PTPRD: variants seen among roughly 807,000 people sequenced by gnomAD.
PTPRD encodes receptor-type tyrosine-protein phosphatase delta.
In PTPRD, 34 loss-of-function variants were observed where a neutral mutation model predicts 214.5. The observed-to-expected ratio is 0.16, with a 90% confidence interval of 0.12 to 0.21. The LOEUF is 0.21. Ranked by LOEUF, PTPRD falls within the 10% of genes least tolerant of loss-of-function variation. The probability of loss-of-function intolerance (pLI) is 1.00; values close to 1 mark genes in which losing one functional copy is unlikely to be tolerated. For synonymous variants in PTPRD, 1,128 were observed against 845.7 expected, an observed-to-expected ratio of 1.33 and a Z score of -5.79; for missense variants, 2,545 against 2,398.7, an observed-to-expected ratio of 1.06 and a Z score of -1.27.
rs199914356 is a variant in PTPRD at position 10,230,436 on chromosome 9, G to GTGTCTATCTATCTATC, written c.-545+110526_-545+110527insGATAGATAGATAGACA. ...TCTATCTATGTATCTATGTATCTAT[G>GTGTCTATCTATCTATC]TATCTATCTATCTATCTATCTATCT... On this transcript the variant is annotated intron_variant, in intron 3 of 45. Coordinates refer to ENST00000381196, the MANE Select transcript of PTPRD (RefSeq NM_002839.4). Among the ~76,000 whole-genome samples the GTGTCTATCTATCTATC allele has an allele frequency of 2.0e-3, 284 of 140,742 alleles. 1 individual carries two copies. The highest frequency in any genetic ancestry group is 8.6e-3 in the East Asian group (42 of 4,912). 92.3% of individuals were successfully genotyped at this position (140,742 alleles called of 152,430 possible).
At chr9:10,592,744 A>C (rs1008864776) in intron 2 of PTPRD, among the ~76,000 whole-genome samples, 3 of 152,038 alleles carry the variant, frequency 2.0e-5, no homozygotes, top group Non-Finnish European at 4.4e-5. Flanking sequence ...GAAGATTGTA[A>C]AACACACCAA....
chr9:9,668,312 G>A (rs142467549), intron 7 of PTPRD, among the ~76,000 whole-genome samples: 14 of 152,096 alleles, frequency 9.2e-5, no homozygotes, highest in Non-Finnish European at 1.5e-4. Flanking sequence ...GCAAGTCTTC[G>A]CATTTCCTCT....
rs536245750 is a variant in PTPRD at position 10,434,988 on chromosome 9, G to C, written c.-599-93971C>G. 2.0e-5 allele frequency among the ~76,000 whole-genome samples: 3 copies of C among 151,892 alleles called. No homozygotes were observed. The Admixed American group carries it at 2.0e-4, about 10-fold the overall frequency. ...CGCTGGACTAGGAATTGGTAGATGA[G>C]GAGGAAAACTCTCAAGAGAGCAAAT... On this transcript the variant is annotated intron_variant, in intron 2 of 45. Transcript: ENST00000381196.
intron 5 of PTPRD, among the ~76,000 whole-genome samples, chr9:9,936,960 T>A (rs2089704042): frequency 1.3e-5 from 2 of 150,426 alleles, no homozygotes; most frequent in Non-Finnish European, 1.5e-5. Context: ...TCATTCTCAG[T>A]AAACTATCAC....
intron 14 of PTPRD, among the ~76,000 whole-genome samples, chr9:8,548,199 T>G (rs2080840798): frequency 6.6e-6 from 1 of 152,136 alleles, no homozygotes; most frequent in South Asian, 2.1e-4. Flanking sequence ...CGAGGTGGAT[T>G]CAAGGTGAAA....
At chr9:8,976,139 T>A (rs1314384960) in intron 11 of PTPRD, among the ~76,000 whole-genome samples, 1 of 152,078 alleles carries the variant, frequency 6.6e-6, no homozygotes. Flanking sequence ...CTCACTTCAC[T>A]TCCCTTCTTT....
At chr9:10,146,502 G>C (rs893713665) in intron 3 of PTPRD, among the ~76,000 whole-genome samples, 2 of 152,048 alleles carry the variant, frequency 1.3e-5, no homozygotes, top group African/African-American at 4.8e-5. Context: ...TATGACCTCA[G>C]GGAATAAGAA....
intron 10 of PTPRD, among the ~76,000 whole-genome samples, chr9:9,026,583 G>C (rs866397445): frequency 1.3e-5 from 2 of 151,872 alleles, no homozygotes; most frequent in Non-Finnish European, 2.9e-5. Context: ...TTTTGTTGCT[G>C]CCTATAATAG....
At chr9:10,467,132 A>G (rs1175837961) in intron 2 of PTPRD, among the ~76,000 whole-genome samples, 1 of 152,182 alleles carries the variant, frequency 6.6e-6, no homozygotes, top group Non-Finnish European at 1.5e-5. Context: ...AGCACCAAGA[A>G]GTTTCTAGTC....
chr9:8,331,546 C>CACTT (rs1841130904), intron 44 of PTPRD, 36 bp downstream of exon 44: 1 of 1,491,848 alleles, frequency 6.7e-7, no homozygotes, highest in African/African-American at 1.5e-5. Flanking sequence ...GAAACACCAC[C>CACTT]ACTTATCACT....
chr9:8,865,723 T>G (rs1357229128), intron 11 of PTPRD, among the ~76,000 whole-genome samples: 2 of 152,140 alleles, frequency 1.3e-5, no homozygotes, highest in Non-Finnish European at 2.9e-5. Context: ...AGCATGTGCT[T>G]AGATACCACT....
At chr9:10,369,009 A>T (rs1323489) in intron 2 of PTPRD, among the ~76,000 whole-genome samples, 136,881 of 152,016 alleles carry the variant, frequency 0.9, 61,637 homozygotes, top group African/African-American at 0.94. Context: ...TGTTTTTTTT[A>T]ATTATGTTTG....
rs2095587867 is a variant in PTPRD at position 10,293,447 on chromosome 9, T to C, written c.-545+47516A>G. On this transcript the variant is annotated intron_variant, in intron 3 of 45. Transcript: ENST00000381196. ...AGATCCAGCATTTGATATTATTTAC[T>C]GTAGATTCTTCAGAAACAAACAAAC... is the stretch of plus-strand genomic sequence containing the variant. 1.3e-5 allele frequency among the ~76,000 whole-genome samples: 2 copies of C among 151,956 alleles called. 1 individual carries two copies. The highest frequency in any genetic ancestry group is 4.1e-4 in the South Asian group (2 of 4,828).
chr9:9,962,501 T>A (rs1027687460), intron 4 of PTPRD, among the ~76,000 whole-genome samples: 2 of 152,000 alleles, frequency 1.3e-5, no homozygotes, highest in Non-Finnish European at 2.9e-5. Context: ...AAAGCACAAT[T>A]CACCCAAACA....
intron 30 of PTPRD, among the ~76,000 whole-genome samples, chr9:8,472,470 T>C (rs72692985): frequency 2.0e-3 from 310 of 152,274 alleles, no homozygotes; most frequent in Non-Finnish European, 3.8e-3. Context: ...GTAAACTCTC[T>C]GTGATTAAGA....
intron 4 of PTPRD, among the ~76,000 whole-genome samples, chr9:9,945,624 A>G (rs1391918354): frequency 2.6e-5 from 4 of 152,186 alleles, no homozygotes; most frequent in East Asian, 3.9e-4. Context: ...ATGGGTGACC[A>G]TGACAAGATG....
intron 11 of PTPRD, among the ~76,000 whole-genome samples, chr9:8,867,871 A>G (rs998098560): frequency 1.1e-4 from 17 of 152,192 alleles, no homozygotes; most frequent in Non-Finnish European, 1.0e-4. Context: ...AGAATGTCCT[A>G]TCATAAGAGT....
At chr9:9,787,384 T>A (rs968239308) in intron 5 of PTPRD, among the ~76,000 whole-genome samples, 1 of 148,850 alleles carries the variant, frequency 6.7e-6, no homozygotes, top group Admixed American at 6.7e-5. Flanking sequence ...TTGACAAATA[T>A]GTATCAAGAT....
intron 9 of PTPRD, among the ~76,000 whole-genome samples, chr9:9,360,372 T>C (rs1363250808): frequency 6.6e-6 from 1 of 151,234 alleles, no homozygotes; most frequent in Non-Finnish European, 1.5e-5. Context: ...CTATGGAAGC[T>C]TTTACCTTAG....
Sources: allele counts gnomAD v4.1 joint callset (sites outside exome capture counted in the v4.1 genomes callset), GRCh38; gene constraint gnomAD v4.1.1; transcripts MANE v1.5; gene names NCBI Gene and HGNC (gene_info 2026-07-23, HGNC 2026-07-21).